Variants in NALF1 observed in about 807,000 individuals in gnomAD.
The protein encoded by NALF1 is family with sequence similarity 155 member A.
NALF1 carries 3 observed loss-of-function variants against 48.4 expected under a neutral mutation model. That is an observed-to-expected ratio of 0.06 (90% CI 0.03 to 0.16). The LOEUF (loss-of-function observed/expected upper bound fraction) is 0.16. NALF1 is among the 10% of genes least tolerant of loss of function. NALF1 has a pLI of 1.00. For missense variants in NALF1, 526 were observed against 571.5 expected (o/e 0.92, Z 0.81); for synonymous variants, 262 against 245.7 (o/e 1.07, Z -0.62).
intron 1 of NALF1, among the ~76,000 whole-genome samples, chr13:107,399,094 G>A (rs1437256556): frequency 1.3e-5 from 2 of 152,094 alleles, no homozygotes; most frequent in South Asian, 4.1e-4. Flanking sequence ...TAGATTGTGC[G>A]CACCGTATTT....
intron 1 of NALF1, among the ~76,000 whole-genome samples, chr13:107,607,730 G>C (rs1186851293): frequency 6.6e-6 from 1 of 152,146 alleles, no homozygotes; most frequent in East Asian, 1.9e-4. Context: ...CTTACTAGCT[G>C]TGTGACCCTG....
chr13:107,215,690 G>A (rs1469928571), intron 1 of NALF1, among the ~76,000 whole-genome samples: 1 of 152,128 alleles, frequency 6.6e-6, no homozygotes, highest in East Asian at 1.9e-4. Context: ...TACTACACGG[G>A]ACCAGGATCA....
chr13:107,350,025 G>C (rs920598921), intron 1 of NALF1, among the ~76,000 whole-genome samples: 1 of 152,018 alleles, frequency 6.6e-6, no homozygotes, highest in African/African-American at 2.4e-5. Context: ...CCTCACATGC[G>C]CAGTTCACAG....
intron 1 of NALF1, among the ~76,000 whole-genome samples, chr13:107,759,180 A>G (rs1205518807): frequency 1.3e-5 from 2 of 152,084 alleles, no homozygotes; most frequent in East Asian, 3.9e-4. Context: ...CTTAGTAGAA[A>G]TGGGTTCATT....
At chr13:107,860,349 T>G (rs1880538762) in intron 1 of NALF1, among the ~76,000 whole-genome samples, 2 of 152,218 alleles carry the variant, frequency 1.3e-5, no homozygotes, top group African/African-American at 4.8e-5. Flanking sequence ...GCAAATGGGA[T>G]TATGATGTAC....
intron 1 of NALF1, among the ~76,000 whole-genome samples, chr13:107,636,841 A>G (rs980463093): frequency 1.3e-5 from 2 of 150,258 alleles, no homozygotes; most frequent in African/African-American, 2.4e-5. Flanking sequence ...TGATCCATTG[A>G]TTTAATTTTG....
intron 1 of NALF1, among the ~76,000 whole-genome samples, chr13:107,377,440 T>C (rs1039788014): frequency 1.3e-5 from 2 of 152,096 alleles, no homozygotes; most frequent in Non-Finnish European, 2.9e-5. Flanking sequence ...AAAGAATGCA[T>C]TTTGCATTTT....
At chr13:107,806,926 T>G (rs1284873554) in intron 1 of NALF1, among the ~76,000 whole-genome samples, 1 of 152,196 alleles carries the variant, frequency 6.6e-6, no homozygotes, top group Non-Finnish European at 1.5e-5. Context: ...CTGGTAGACA[T>G]TCTATAATTC....
intron 1 of NALF1, among the ~76,000 whole-genome samples, chr13:107,803,438 A>G (rs1215853805): frequency 6.6e-6 from 1 of 152,146 alleles, no homozygotes. Flanking sequence ...CTATTTTGTG[A>G]CCTAACATGG....
intron 1 of NALF1, among the ~76,000 whole-genome samples, chr13:107,518,334 T>C: frequency 6.6e-6 from 1 of 152,180 alleles, no homozygotes; most frequent in East Asian, 1.9e-4. Flanking sequence ...ATTGTTCACA[T>C]TTAGTCTACT....
At chr13:107,602,524 TA>T (rs1032075389) in intron 1 of NALF1, among the ~76,000 whole-genome samples, 1 of 152,156 alleles carries the variant, frequency 6.6e-6, no homozygotes, top group Admixed American at 6.5e-5. Context: ...GCAGATCAAA[TA>T]AAAAACAATG....
At chr13:107,688,581 G>T (rs1359758550) in intron 1 of NALF1, among the ~76,000 whole-genome samples, 1 of 152,140 alleles carries the variant, frequency 6.6e-6, no homozygotes, top group Non-Finnish European at 1.5e-5. Flanking sequence ...AGAAAAAAAG[G>T]GTGAGGAATG....
intron 1 of NALF1, among the ~76,000 whole-genome samples, chr13:107,540,430 T>C (rs1326666889): frequency 2.6e-5 from 4 of 152,106 alleles, no homozygotes; most frequent in Non-Finnish European, 4.4e-5. Flanking sequence ...CTAACTTCTC[T>C]ATCATGACCA....
At chr13:107,725,563 T>C (rs1876123178) in intron 1 of NALF1, among the ~76,000 whole-genome samples, 1 of 152,016 alleles carries the variant, frequency 6.6e-6, no homozygotes. Flanking sequence ...ATACAAAAAT[T>C]ACCTGGGCGC....
intron 1 of NALF1, among the ~76,000 whole-genome samples, chr13:107,585,957 G>C (rs1878442609): frequency 6.6e-6 from 1 of 152,130 alleles, no homozygotes; most frequent in Admixed American, 6.6e-5. Flanking sequence ...GCTTATGATA[G>C]AGGTAGGATT....
chr13:107,756,516 A>G (rs1280894953), intron 1 of NALF1, among the ~76,000 whole-genome samples: 3 of 151,820 alleles, frequency 2.0e-5, no homozygotes, highest in African/African-American at 7.3e-5. Context: ...GAGACTTTAC[A>G]TTTTAACATA....
At chr13:107,196,874 T>C (rs776750863) in intron 2 of NALF1, among the ~76,000 whole-genome samples, 9 of 152,178 alleles carry the variant, frequency 5.9e-5, no homozygotes, top group Non-Finnish European at 1.0e-4. Context: ...AGTGAGAGGA[T>C]AGACATGATA....
intron 2 of NALF1, among the ~76,000 whole-genome samples, chr13:107,176,391 C>T (rs1446949024): frequency 2.0e-5 from 3 of 149,202 alleles, no homozygotes; most frequent in Non-Finnish European, 3.0e-5. Flanking sequence ...GCCTGTAATC[C>T]CAGCACTTTG....
At position 107,445,946 on chromosome 13, in the gene NALF1, G is replaced by T. The variant is rs1884642260; in HGVS notation, c.916-235191C>A. ...ACTGGTCACATTTATATTTGGGACA[G>T]ATTTTTTTTTTTAGATGGAATCTCG... On this transcript the variant is annotated intron_variant, in intron 1 of 2. Transcript: ENST00000375915. Among the ~76,000 whole-genome samples, 5 of 152,124 alleles carry T rather than the reference G, an allele frequency of 3.3e-5. 1 individual carries two copies. In the South Asian group the frequency reaches 1.0e-3, roughly 32 times the overall value.
Sources: allele counts gnomAD v4.1 joint callset (sites outside exome capture counted in the v4.1 genomes callset), GRCh38; gene constraint gnomAD v4.1.1; transcripts MANE v1.5; gene names NCBI Gene and HGNC (gene_info 2026-07-23, HGNC 2026-07-21).